Variants in KRT15 observed in about 807,000 individuals in gnomAD.
KRT15 encodes the protein keratin, type I cytoskeletal 15.
In KRT15, 45 loss-of-function variants were observed where a neutral mutation model predicts 46.6. The observed-to-expected ratio is 0.97, with a 90% CI of 0.76 to 1.24. The LOEUF is 1.24. Ranked by LOEUF, KRT15 falls within the 50% of genes most tolerant of loss-of-function variation. KRT15 has a pLI of 0.00. For synonymous variants in KRT15, 221 were observed against 233.8 expected (o/e 0.95, Z 0.50); for missense variants, 592 against 588.9 (o/e 1.01, Z -0.05).
At chr17:41,516,045 G>A (rs1365587743) in intron 4 of KRT15, 35 bp from the exon 5 acceptor site, 4 of 1,614,054 alleles carry the variant, frequency 2.5e-6, no homozygotes, top group East Asian at 4.5e-5. Context: ...GAGCCCCGGG[G>A]CCTCCTCGGA....
chr17:41,517,407 T>G, intron 1 of KRT15: 1 of 531,422 alleles, frequency 1.9e-6, no homozygotes, highest in South Asian at 2.1e-5. Flanking sequence ...CTTCCTTATC[T>G]CCAGGGCACG....
At chr17:41,514,961 G>T in intron 6 of KRT15, 1 of 339,590 alleles carries the variant, frequency 2.9e-6, no homozygotes, top group South Asian at 4.5e-5. Context: ...CCGCCTCCCG[G>T]GTTCAAGTGA....
Position 41,515,853 on chromosome 17 carries a change from G to A in KRT15, c.1026+32C>T, listed in dbSNP as rs575388820. 5.5e-5 allele frequency: 88 copies of A among 1,613,794 alleles called. 1 individual carries two copies. The East Asian group carries it at 9.4e-4, about 17-fold the overall frequency. On this transcript the variant is annotated intron_variant, in intron 5 of 7. Transcript: ENST00000254043. ...GGAAGAGTGGGAGCTTCTACCACCCGAGAGGCTGGGATGGGGCGCGAGTGG... is the reference window on the plus strand; with the variant it reads ...GGAAGAGTGGGAGCTTCTACCACCCAAGAGGCTGGGATGGGGCGCGAGTGG...
At position 41,515,948 on chromosome 17, in the gene KRT15, C is replaced by G; in HGVS notation, c.963G>C (p.Glu321Asp). ...NTEMIQTSKTEITDLRRTMQE... is the reference protein window; with the variant it reads ...NTEMIQTSKTDITDLRRTMQE... ...GCATCGTGCGTCTCAGGTCTGTGAT[C>G]TCCGTCTTGCTGGTCTGGATCATTT... Residue 321 changes from glutamate (E) to aspartate (D), a missense_variant, in exon 5 of 8, where the codon GAG (glutamate) becomes GAC (aspartate). Transcript: ENST00000254043. 4 of 1,614,190 alleles carry G rather than the reference C, an allele frequency of 2.5e-6. No individual in the cohort carries two copies. The East Asian group carries it at 8.9e-5, about 36-fold the overall frequency.
intron 3 of KRT15, 119 bp from the exon 4 acceptor site, chr17:41,516,384 G>T: frequency 4.5e-6 from 5 of 1,102,590 alleles, no homozygotes; most frequent in Non-Finnish European, 6.6e-6. Context: ...GTTCCCCATT[G>T]CACATGAAGA....
chr17:41,514,732 G>A (rs746735678), intron 6 of KRT15, 58 bp from the exon 7 acceptor site: 2 of 1,578,834 alleles, frequency 1.3e-6, no homozygotes, highest in African/African-American at 1.3e-5. Flanking sequence ...TGTCCGTAAG[G>A]GAAGCTCATG....
chr17:41,516,694 A>G (rs1303071595), intron 3 of KRT15, 114 bp downstream of exon 3: 2 of 1,274,838 alleles, frequency 1.6e-6, no homozygotes, highest in Middle Eastern at 2.7e-4. Context: ...ATCTCGTGAA[A>G]ATCTGGGAGG....
Position 41,518,698 on chromosome 17 carries a change from T to C in KRT15, c.130A>G (p.Ile44Val). 6.2e-7 allele frequency: 1 copy of C among 1,611,512 alleles called. No homozygotes were observed. Among genetic ancestry groups the C allele is most frequent in the African/African-American group, 1.3e-5 (1 of 74,552 alleles). The change falls in exon 1 of 8, where the codon ATC becomes GTC. Residue 44 changes from isoleucine (I) to valine (V), a missense_variant. Transcript: ENST00000254043. The part of the protein sequence containing the change: ...SLSGGGGSRS[I>V]SASSARFVSS... The stretch of plus-strand genomic sequence containing the variant: ...ACAAACCTAGCAGAAGAAGCTGAGA[T>C]ACTTCGGCTTCCACCTCCCCCAGAG...
chr17:41,515,673 G>A lies in KRT15; in HGVS notation c.1046C>T (p.Ser349Leu). ...QLSMKAGLEN[S>L]LAETECRYAT... ...ATAGCGGCACTCTGTCTCGGCCAGTGAGTTCTCCAGCCCAGCTTTCTGGGG... is the reference window on the plus strand; with the variant it reads ...ATAGCGGCACTCTGTCTCGGCCAGTAAGTTCTCCAGCCCAGCTTTCTGGGG... The change falls in exon 6 of 8, where the codon TCA (serine) becomes TTA (leucine). Residue 349 changes from serine to leucine, a missense_variant. By Grantham distance (145) the Ser-to-Leu change is moderately radical. Transcript: ENST00000254043. 6.2e-7 allele frequency: 1 copy of A among 1,614,018 alleles called. No homozygotes were observed.
Position 41,517,571 on chromosome 17 carries a change from A to G in KRT15, c.499-406T>C, listed in dbSNP as rs561540941. ...TCACTGCCTCCTGCACACCTTGGAC[A>G]CAGCCATGGATCTACAGAACATTCC... On this transcript the variant is annotated intron_variant, in intron 1 of 7. Transcript: ENST00000254043. The G allele has an allele frequency of 2.2e-4, 53 of 237,570 alleles. No individual in the cohort carries two copies. The South Asian group carries it at 3.5e-3, about 16-fold the overall frequency. 14.7% of individuals were successfully genotyped at this position (237,570 alleles called of 1,614,324 possible).
intron 5 of KRT15, 89 bp downstream of exon 5, chr17:41,515,796 G>C (rs1905330695): frequency 1.2e-6 from 2 of 1,604,952 alleles, no homozygotes; most frequent in African/African-American, 2.7e-5. Flanking sequence ...ACCTCTTGAG[G>C]GGGCTTGAGA....
Position 41,514,039 on chromosome 17 carries a change from T to C in KRT15, c.1355A>G (p.His452Arg), listed in dbSNP as rs536009613. The C allele has an allele frequency of 3.7e-6, 6 of 1,613,090 alleles. No homozygotes were observed. The highest frequency in any genetic ancestry group is 5.1e-6 in the Non-Finnish European group (6 of 1,179,042). ...ESVDGQVVSS[H>R]KREI ...AATAGACACTTAGATTTCTCTCTTG[T>C]GGGAAGAAACCACCTGTCCATCCAC... Residue 452 changes from histidine (H) to arginine (R), a missense_variant, in exon 8 of 8, where the codon CAC becomes CGC. His to Arg is a conservative substitution (Grantham distance 29). Coordinates refer to ENST00000254043, the MANE Select transcript of KRT15 (RefSeq NM_002275.4).
In KRT15 at chr17:41,518,725, G is replaced by C; in HGVS notation, c.103C>G (p.Leu35Val). 1.9e-6 allele frequency: 3 copies of C among 1,606,744 alleles called. No individual in the cohort carries two copies. Among genetic ancestry groups the C allele is most frequent in the Non-Finnish European group, 2.6e-6 (3 of 1,175,966 alleles). The change falls in exon 1 of 8, where the codon CTC (leucine) becomes GTC (valine). Residue 35 changes from leucine to valine, a missense_variant. Coordinates refer to ENST00000254043, the MANE Select transcript of KRT15 (RefSeq NM_002275.4). ...CTTCGGCTTCCACCTCCCCCAGAGA[G>C]ACTCCCCCCACCAAAGCCACCTCCC... ...AGGGGFGGGS[L>V]SGGGGSRSIS...
Position 41,516,355 on chromosome 17 carries a change from G to A in KRT15, c.739-90C>T, listed in dbSNP as rs528925156. On this transcript the variant is annotated intron_variant, in intron 3 of 7. Coordinates refer to ENST00000254043, the MANE Select transcript of KRT15 (RefSeq NM_002275.4). ...ACACATGCCAATCCTGGCTCTGCCC[G>A]TAACACACCCCAACCGCTGTTCCCC... The A allele has an allele frequency of 2.7e-5, 37 of 1,373,740 alleles. No individual in the cohort carries two copies. In the East Asian group the frequency reaches 4.4e-4, roughly 16 times the overall value. 85.1% of individuals were successfully genotyped at this position (1,373,740 alleles called of 1,614,324 possible).
chr17:41,517,103 A>G lies in KRT15; in HGVS notation c.561T>C (p.Ala187=), dbSNP rs755245020. Residue 187 remains alanine (A), a synonymous_variant, in exon 2 of 8, where the codon GCT becomes GCC. Transcript: ENST00000254043. ...VILEIDNARL[A]ADDFRLKYEN... ...CGCACTTGAGCCTGAAGTCGTCCGC[A>G]GCCAGCCTGGCATTGTCGATCTCCA... 6.2e-7 allele frequency: 1 copy of G among 1,614,198 alleles called. No homozygotes were observed. The highest frequency in any genetic ancestry group is 1.3e-5 in the African/African-American group (1 of 75,040).
chr17:41,517,195 ACTC>A, intron 1 of KRT15, 30 bp from the exon 2 acceptor site: 4 of 1,581,490 alleles, frequency 2.5e-6, no homozygotes, highest in Non-Finnish European at 3.5e-6. Context: ...TGTCTAGAGG[ACTC>A]CTCTCTCTCC....
Position 41,516,014 on chromosome 17 carries a change from T to C in KRT15, c.901-4A>G, listed in dbSNP as rs768356570. 1 of 1,614,136 alleles carries C rather than the reference T, an allele frequency of 6.2e-7. No individual in the cohort carries two copies. Among genetic ancestry groups the C allele is most frequent in the Non-Finnish European group, 8.5e-7 (1 of 1,180,006 alleles). On this transcript the variant is annotated splice_region_variant and splice_polypyrimidine_tract_variant and intron_variant, in intron 4 of 7. Coordinates refer to ENST00000254043, the MANE Select transcript of KRT15 (RefSeq NM_002275.4). Reference sequence around the variant, plus strand: ...CCTCTTTGTTCAGCTCCTCAGTCTGTAGGTCATGCACAACAGAAGTGAGCC... The same window carrying C: ...CCTCTTTGTTCAGCTCCTCAGTCTGCAGGTCATGCACAACAGAAGTGAGCC...
At chr17:41,516,334 A>T in intron 3 of KRT15, 69 bp from the exon 4 acceptor site, 1 of 1,516,820 alleles carries the variant, frequency 6.6e-7, no homozygotes, top group Admixed American at 1.8e-5. Flanking sequence ...GGCGTCACAC[A>T]TGCCAATCCT....
intron 6 of KRT15, chr17:41,514,901 C>T (rs1219170421): frequency 4.1e-6 from 2 of 483,990 alleles, no homozygotes; most frequent in African/African-American, 2.0e-5. Flanking sequence ...GAATCTCACT[C>T]TGTCGCCCAG....
Sources: gnomAD v4.1 joint callset for allele counts on GRCh38, gnomAD v4.1.1 for gene constraint, MANE v1.5 for transcripts, NCBI Gene and HGNC (gene_info 2026-07-23, HGNC 2026-07-21) for gene names.